SIPA1L1: variants seen among roughly 807,000 people sequenced by gnomAD.
SIPA1L1 encodes the protein signal induced proliferation associated 1 like 1.
A neutral mutation model predicts 162.7 loss-of-function variants in SIPA1L1; 26 were observed. The ratio of observed to expected loss-of-function variants is 0.16; its 90% CI spans 0.12 to 0.22. SIPA1L1 has a LOEUF of 0.22. Among genes scored for constraint, SIPA1L1 ranks in the 10% least tolerant of loss-of-function variants. The pLI, the probability that SIPA1L1 is intolerant of heterozygous loss-of-function variation, is 1.00. For missense variants in SIPA1L1, 1,874 were observed against 2,241.0 expected, an observed-to-expected ratio of 0.84 and a Z score of 3.31; for synonymous variants, 829 against 837.4, an observed-to-expected ratio of 0.99 and a Z score of 0.17.
intron 6 of SIPA1L1, among the ~76,000 whole-genome samples, chr14:71,622,929 C>T (rs566705207): frequency 2.6e-5 from 4 of 152,340 alleles, no homozygotes; most frequent in African/African-American, 9.6e-5. Context: ...TGTCCATCTA[C>T]AATAATCACT....
intron 2 of SIPA1L1, among the ~76,000 whole-genome samples, chr14:71,364,022 TA>T (rs2038050296): frequency 1.3e-5 from 2 of 152,216 alleles, no homozygotes; most frequent in Admixed American, 6.5e-5. Context: ...TTTACGCTGT[TA>T]AAAAATTATT....
Position 71,709,436 on chromosome 14 carries a change from C to T in SIPA1L1, c.3980C>T (p.Ser1327Leu), listed in dbSNP as rs771734216. Residue 1327 changes from serine to leucine, a missense_variant, in exon 17 of 24, where the codon TCG (serine) becomes TTG (leucine). Ser to Leu is a moderately radical substitution (Grantham distance 145). Around this residue, in one of 5 missense-constraint regions of SIPA1L1, gnomAD observed 936 missense variants for 1,051.9 expected, o/e 0.89. Coordinates refer to ENST00000381232, the MANE Select transcript of SIPA1L1 (RefSeq NM_001386936.1). The stretch of plus-strand genomic sequence containing the variant: ...ACAGCCTCGCTGGGGGCTGCCACAT[C>T]GTCACCTCGCTCAGGGCCAGGCAAG... ...GSTASLGAATSSPRSGPGKEK... is the reference protein window; with the variant it reads ...GSTASLGAATLSPRSGPGKEK... 3.0e-5 allele frequency: 48 copies of T among 1,614,102 alleles called. No homozygotes were observed. Among genetic ancestry groups the T allele is most frequent in the African/African-American group, 4.0e-5 (3 of 74,932 alleles).
chr14:71,474,129 T>C (rs1431444419), intron 2 of SIPA1L1, among the ~76,000 whole-genome samples: 1 of 152,206 alleles, frequency 6.6e-6, no homozygotes, highest in Non-Finnish European at 1.5e-5. Context: ...AATTGACACT[T>C]GGCTTATAAA....
intron 4 of SIPA1L1, among the ~76,000 whole-genome samples, chr14:71,569,455 CT>C (rs1298260991): frequency 4.6e-5 from 7 of 152,142 alleles, no homozygotes; most frequent in African/African-American, 1.7e-4. Flanking sequence ...TATTTGAAAC[CT>C]TTGTTGCTGA....
intron 2 of SIPA1L1, among the ~76,000 whole-genome samples, chr14:71,329,239 T>C (rs2034214194): frequency 6.6e-6 from 1 of 152,236 alleles, no homozygotes; most frequent in Non-Finnish European, 1.5e-5. Flanking sequence ...CTCTTCAAGA[T>C]CCTGCTTTTA....
chr14:71,329,420 G>GTT (rs34647020), intron 2 of SIPA1L1, among the ~76,000 whole-genome samples: 93 of 135,214 alleles, frequency 6.9e-4, no homozygotes, highest in South Asian at 2.2e-3. Flanking sequence ...CTTATTTTCT[G>GTT]TTTTTTTTTT....
chr14:71,475,731 C>T (rs910676628), intron 2 of SIPA1L1, among the ~76,000 whole-genome samples: 4 of 152,140 alleles, frequency 2.6e-5, no homozygotes, highest in Admixed American at 2.6e-4. Context: ...GAGCTATGTA[C>T]ATAGGACACA....
intron 2 of SIPA1L1, among the ~76,000 whole-genome samples, chr14:71,403,111 A>T (rs998062959): frequency 5.3e-5 from 8 of 152,166 alleles, no homozygotes; most frequent in African/African-American, 1.7e-4. Context: ...ATTGTAGATC[A>T]TCTGTCTCCA....
chr14:71,359,381 A>G (rs571175953), intron 2 of SIPA1L1, among the ~76,000 whole-genome samples: 1 of 152,308 alleles, frequency 6.6e-6, no homozygotes, highest in South Asian at 2.1e-4. Context: ...AGTCTCGGGT[A>G]TGTCATTATT....
Position 71,587,895 on chromosome 14 carries a change from A to G in SIPA1L1, c.23A>G (p.Gln8Arg). 7 of 1,610,216 alleles carry G rather than the reference A, an allele frequency of 4.3e-6. No homozygotes were observed. Among genetic ancestry groups the G allele is most frequent in the Non-Finnish European group, 5.9e-6 (7 of 1,176,658 alleles). ...ATCATGACCAGCTTGAAACGGTCAC[A>G]GACAGAAAGGCCTCTTGCCACTGAC... The part of the protein sequence containing the change: MTSLKRS[Q>R]TERPLATDRA... The change falls in exon 5 of 24, where the codon CAG (glutamine) becomes CGG (arginine). Residue 8 changes from glutamine (Q) to arginine (R), a missense_variant. By Grantham distance (43) the Gln-to-Arg change is conservative. This residue lies in a region of SIPA1L1 where 685 missense variants were observed against 828.0 expected (regional missense o/e 0.83). Transcript: ENST00000381232.
At chr14:71,573,327 A>G (rs954033319) in intron 4 of SIPA1L1, among the ~76,000 whole-genome samples, 2 of 152,224 alleles carry the variant, frequency 1.3e-5, no homozygotes, top group African/African-American at 2.4e-5. Context: ...TTCCTATTCA[A>G]ATGTGGTTGA....
intron 2 of SIPA1L1, among the ~76,000 whole-genome samples, chr14:71,427,256 T>C (rs1473626637): frequency 2.6e-5 from 4 of 152,156 alleles, no homozygotes; most frequent in Non-Finnish European, 4.4e-5. Context: ...TGTCTGAGAA[T>C]GTCTTCATTT....
At chr14:71,459,304 G>A (rs991060052) in intron 2 of SIPA1L1, among the ~76,000 whole-genome samples, 1 of 152,096 alleles carries the variant, frequency 6.6e-6, no homozygotes, top group Non-Finnish European at 1.5e-5. Context: ...TTACAATTAT[G>A]TGAGTTGAAA....
At position 71,709,604 on chromosome 14, in the gene SIPA1L1, C is replaced by T. The variant is rs371878989; in HGVS notation, c.4148C>T (p.Ser1383Leu). The change falls in exon 17 of 24, where the codon TCG becomes TTG. Residue 1383 changes from serine to leucine, a missense_variant. Ser to Leu is a moderately radical substitution (Grantham distance 145, BLOSUM62 -2). Around this residue, in one of 5 missense-constraint regions of SIPA1L1, gnomAD observed 936 missense variants for 1,051.9 expected, o/e 0.89. Transcript: ENST00000381232. The part of the protein sequence containing the change: ...LDIHSKSQAG[S>L]TPLTRENSTF... The stretch of plus-strand genomic sequence containing the variant: ...ATACACAGCAAGAGCCAAGCCGGCT[C>T]GACCCCTCTGACAAGGGAGAACAGC... 2.0e-5 allele frequency: 33 copies of T among 1,614,046 alleles called. No individual in the cohort carries two copies. The highest frequency in any genetic ancestry group is 1.6e-4 in the Middle Eastern group (1 of 6,084).
intron 2 of SIPA1L1, among the ~76,000 whole-genome samples, chr14:71,336,215 TA>T (rs1457486556): frequency 1.5e-4 from 23 of 152,352 alleles, no homozygotes; most frequent in Non-Finnish European, 4.4e-5. Flanking sequence ...TATTGAGTTA[TA>T]ATTCTCTATT....
chr14:71,584,545 T>G (rs2034344107), intron 4 of SIPA1L1, among the ~76,000 whole-genome samples: 1 of 152,212 alleles, frequency 6.6e-6, no homozygotes, highest in South Asian at 2.1e-4. Flanking sequence ...GGATGTATGG[T>G]CCATGCTCTG....
At chr14:71,372,154 T>C (rs1205461077) in intron 2 of SIPA1L1, among the ~76,000 whole-genome samples, 2 of 152,208 alleles carry the variant, frequency 1.3e-5, no homozygotes, top group Non-Finnish European at 2.9e-5. Flanking sequence ...GGTGATTGCC[T>C]GACAGAAGAG....
intron 2 of SIPA1L1, among the ~76,000 whole-genome samples, chr14:71,338,373 G>A (rs1161380189): frequency 1.3e-5 from 2 of 152,206 alleles, no homozygotes; most frequent in East Asian, 1.9e-4. Context: ...CCAATGAGTA[G>A]AGTAAATACA....
chr14:71,588,410 A>G lies in SIPA1L1; in HGVS notation c.538A>G (p.Ile180Val), dbSNP rs779822615. 5.0e-6 allele frequency: 8 copies of G among 1,614,046 alleles called. No individual in the cohort carries two copies. Among genetic ancestry groups the G allele is most frequent in the Non-Finnish European group, 3.4e-6 (4 of 1,180,000 alleles). ...CCAGCGAAGCAACAGTGATATCACC[A>G]TAAGTGAACTTGATGTGGATAGCTT... ...IRQRSNSDIT[I>V]SELDVDSFDE... Residue 180 changes from isoleucine (I) to valine (V), a missense_variant, in exon 5 of 24, where the codon ATA (isoleucine) becomes GTA (valine). Around this residue, in one of 5 missense-constraint regions of SIPA1L1, gnomAD observed 685 missense variants for 828.0 expected, o/e 0.83. Coordinates refer to ENST00000381232, the MANE Select transcript of SIPA1L1 (RefSeq NM_001386936.1). The surrounding 1 kb of genome is among the most constrained non-coding windows in gnomAD (Gnocchi z 4.3).
Sources: allele counts gnomAD v4.1 joint callset (sites outside exome capture counted in the v4.1 genomes callset), GRCh38; gene constraint gnomAD v4.1.1; regional missense constraint gnomAD v4.1.1; non-coding constraint Gnocchi (gnomAD v3.1); transcripts MANE v1.5; gene names NCBI Gene and HGNC (gene_info 2026-07-23, HGNC 2026-07-21).